The following CTCF variants were observed in gnomAD, a reference collection of about 807,000 sequenced individuals.
CTCF encodes the protein transcriptional repressor CTCF.
CTCF carries 7 observed loss-of-function variants against 72.3 expected under a neutral mutation model. That is an observed-to-expected ratio of 0.10 (90% confidence interval 0.06 to 0.18). The LOEUF (loss-of-function observed/expected upper bound fraction) is 0.18. Ranked by LOEUF, CTCF falls within the 10% of genes least tolerant of loss-of-function variation. CTCF has a pLI of 1.00. For synonymous variants in CTCF, 374 were observed against 315.8 expected (o/e 1.18, Z -1.95); for missense variants, 516 against 949.1 (o/e 0.54, Z 6.00).
chr16:67,565,334 T>G, intron 1 of CTCF, among the ~76,000 whole-genome samples: 1 of 151,916 alleles, frequency 6.6e-6, no homozygotes, highest in East Asian at 1.9e-4. Context: ...GATAGGAGGA[T>G]GATTAAAACA....
At chr16:67,618,800 T>C (rs2142843333) in intron 5 of CTCF, among the ~76,000 whole-genome samples, 1 of 152,262 alleles carries the variant, frequency 6.6e-6, no homozygotes, top group East Asian at 1.9e-4. Flanking sequence ...ACAAAAAATA[T>C]CTATGAAATG....
intron 2 of CTCF, among the ~76,000 whole-genome samples, chr16:67,575,341 T>C (rs992023034): frequency 6.6e-6 from 1 of 152,122 alleles, no homozygotes; most frequent in Non-Finnish European, 1.5e-5. Flanking sequence ...GGAGGATGAA[T>C]TTTATTTTAA....
At chr16:67,595,755 C>CT (rs2051804013) in intron 2 of CTCF, among the ~76,000 whole-genome samples, 1 of 152,128 alleles carries the variant, frequency 6.6e-6, no homozygotes, top group Admixed American at 6.6e-5. Context: ...GTCTCTGACT[C>CT]TTAACAGTGA....
intron 2 of CTCF, among the ~76,000 whole-genome samples, chr16:67,600,283 G>C (rs1314725309): frequency 6.6e-6 from 1 of 151,884 alleles, no homozygotes; most frequent in Admixed American, 6.6e-5. Flanking sequence ...CTGTTGCCCA[G>C]GTTGGAGTTC....
At chr16:67,578,477 CAT>C (rs1020922669) in intron 2 of CTCF, among the ~76,000 whole-genome samples, 2 of 151,800 alleles carry the variant, frequency 1.3e-5, no homozygotes, top group South Asian at 2.1e-4. Flanking sequence ...AGATTACACA[CAT>C]GTGCGGCCAT....
intron 2 of CTCF, among the ~76,000 whole-genome samples, chr16:67,573,194 A>G (rs1290067960): frequency 7.3e-5 from 11 of 151,398 alleles, no homozygotes; most frequent in Non-Finnish European, 1.5e-4. Context: ...GGAGGTTGCA[A>G]TGAGTTGAAA....
chr16:67,572,875 G>A (rs2142719033), intron 2 of CTCF, among the ~76,000 whole-genome samples: 1 of 151,092 alleles, frequency 6.6e-6, no homozygotes, highest in Non-Finnish European at 1.5e-5. Context: ...GGGAAGCAGA[G>A]GTTGCAGTGA....
At chr16:67,630,009 C>T (rs982869057) in intron 10 of CTCF, among the ~76,000 whole-genome samples, 1 of 151,764 alleles carries the variant, frequency 6.6e-6, no homozygotes, top group Non-Finnish European at 1.5e-5. Context: ...ATCTCCTCAC[C>T]TCATGATCCG....
At chr16:67,635,842 T>G (rs974249159) in intron 10 of CTCF, among the ~76,000 whole-genome samples, 2 of 151,958 alleles carry the variant, frequency 1.3e-5, no homozygotes, top group Non-Finnish European at 2.9e-5. Context: ...CCCAAGCTGG[T>G]CTTGAACTCC....
At chr16:67,594,377 C>G (rs542934745) in intron 2 of CTCF, among the ~76,000 whole-genome samples, 2 of 147,314 alleles carry the variant, frequency 1.4e-5, no homozygotes, top group Non-Finnish European at 1.5e-5. Flanking sequence ...GGGTGGGACC[C>G]TGTCTCAAAA....
chr16:67,605,077 A>G (rs992782531), intron 2 of CTCF, among the ~76,000 whole-genome samples: 1 of 138,638 alleles, frequency 7.2e-6, no homozygotes, highest in Non-Finnish European at 1.5e-5. Flanking sequence ...GGTTCACGCC[A>G]TTCTCCTGCC....
intron 2 of CTCF, among the ~76,000 whole-genome samples, chr16:67,578,533 G>T (rs1451395288): frequency 6.6e-6 from 1 of 151,426 alleles, no homozygotes; most frequent in Non-Finnish European, 1.5e-5. Context: ...GGATTTCACC[G>T]TGTTGGCCAG....
intron 2 of CTCF, among the ~76,000 whole-genome samples, chr16:67,608,254 G>A (rs987116752): frequency 6.6e-6 from 1 of 151,874 alleles, no homozygotes; most frequent in Non-Finnish European, 1.5e-5. Flanking sequence ...AACCTGGGAG[G>A]CGGAGCTTGC....
chr16:67,582,647 C>T (rs1485537744), intron 2 of CTCF, among the ~76,000 whole-genome samples: 1 of 152,006 alleles, frequency 6.6e-6, no homozygotes, highest in Non-Finnish European at 1.5e-5. Context: ...GAGCCGAGAT[C>T]GCGCCACTGC....
At chr16:67,631,172 G>GTT (rs367618037) in intron 10 of CTCF, among the ~76,000 whole-genome samples, 18 of 121,422 alleles carry the variant, frequency 1.5e-4, no homozygotes, top group South Asian at 5.4e-4. Context: ...TTTGTTTTTT[G>GTT]TTTTTTTTTT....
At chr16:67,608,833 G>A (rs2052015142) in intron 2 of CTCF, among the ~76,000 whole-genome samples, 1 of 151,740 alleles carries the variant, frequency 6.6e-6, no homozygotes, top group Non-Finnish European at 1.5e-5. Context: ...CCACCTCCCG[G>A]GTCAAACGAT....
rs899695718 is a variant in CTCF, at chr16:67,562,607, T to G, written c.-244T>G. On this transcript the variant is annotated 5_prime_UTR_variant, in exon 1 of 12. Coordinates refer to ENST00000264010, the MANE Select transcript of CTCF (RefSeq NM_006565.4). ...TTAAACCGTGCGCGGAGCTGCTTCT[T>G]TGGCGGCAGCGGCGGCGGCGGTGGC... The G allele has an allele frequency of 1.3e-5, 2 of 152,658 alleles. No homozygotes were observed. The highest frequency in any genetic ancestry group is 2.4e-5 in the African/African-American group (1 of 41,298). 9.5% of individuals were successfully genotyped at this position (152,658 alleles called of 1,614,324 possible). A position where few individuals can be genotyped will look rare whatever the true frequency, so the allele number is the denominator to read the frequency against.
chr16:67,634,977 A>T (rs1445649768), intron 10 of CTCF, among the ~76,000 whole-genome samples: 2 of 151,958 alleles, frequency 1.3e-5, no homozygotes, highest in African/African-American at 4.8e-5. Context: ...TGCTGGGATT[A>T]CAGGCATGAG....
At chr16:67,623,815 T>G (rs2052236834) in intron 7 of CTCF, among the ~76,000 whole-genome samples, 1 of 152,092 alleles carries the variant, frequency 6.6e-6, no homozygotes, top group Non-Finnish European at 1.5e-5. Flanking sequence ...TTTGGGAGGC[T>G]GAGATGGGCG....
Sources: allele counts gnomAD v4.1 joint callset (sites outside exome capture counted in the v4.1 genomes callset), GRCh38; gene constraint gnomAD v4.1.1; transcripts MANE v1.5; gene names NCBI Gene and HGNC (gene_info 2026-07-23, HGNC 2026-07-21).